RPS6KA5: variants seen among roughly 807,000 people sequenced by gnomAD.
RPS6KA5 encodes ribosomal protein S6 kinase alpha-5.
In RPS6KA5, 27 loss-of-function variants were observed where a neutral mutation model predicts 85.5. The observed-to-expected ratio is 0.32, with a 90% CI of 0.23 to 0.44. The LOEUF (loss-of-function observed/expected upper bound fraction) is 0.44, where lower values mean the gene tolerates loss of function less well. RPS6KA5 is among the 20% of genes least tolerant of loss of function. The pLI, the probability that RPS6KA5 is intolerant of heterozygous loss-of-function variation, is 1.00. For synonymous variants in RPS6KA5, 334 were observed against 348.2 expected (o/e 0.96, Z 0.46); for missense variants, 811 against 980.9 (o/e 0.83, Z 2.31).
At position 90,865,837 on chromosome 14, in the gene RPS6KA5, T is replaced by A. The variant is rs1030231486; in HGVS notation, c.*6237A>T. 6.6e-6 allele frequency: 1 copy of A among 152,322 alleles called. No individual in the cohort carries two copies. Among genetic ancestry groups the A allele is most frequent in the African/African-American group, 2.4e-5 (1 of 41,572 alleles). The allele number at this position is 152,322 out of a possible 1,614,324, so 9.4% of individuals were successfully genotyped here. A position where few individuals can be genotyped will look rare whatever the true frequency, so the allele number is the denominator to read the frequency against. ...GTAGACAAAGCCTTTTAAAGAGATT[T>A]GTCCATACGGGCACTGAAATAACAT... On this transcript the variant is annotated 3_prime_UTR_variant, in exon 17 of 17. Coordinates refer to ENST00000614987, the MANE Select transcript of RPS6KA5 (RefSeq NM_004755.4).
chr14:90,942,154 G>A (rs1030664477), intron 5 of RPS6KA5, among the ~76,000 whole-genome samples: 5 of 151,976 alleles, frequency 3.3e-5, no homozygotes, highest in East Asian at 1.9e-4. Context: ...ATATAGATGC[G>A]ATTAAAAAAT....
At chr14:90,876,889 C>T (rs1471040653) in intron 14 of RPS6KA5, among the ~76,000 whole-genome samples, 3 of 152,120 alleles carry the variant, frequency 2.0e-5, no homozygotes, top group Admixed American at 6.5e-5. Context: ...TTTCTGGTCA[C>T]GTTTCTGACA....
chr14:91,038,218 G>T (rs545838864), intron 1 of RPS6KA5, among the ~76,000 whole-genome samples: 1 of 152,180 alleles, frequency 6.6e-6, no homozygotes, highest in African/African-American at 2.4e-5. Flanking sequence ...TTTCATCAGG[G>T]TCCTACTCTT....
At chr14:91,030,314 C>T (rs1427936194) in intron 1 of RPS6KA5, among the ~76,000 whole-genome samples, 2 of 152,102 alleles carry the variant, frequency 1.3e-5, no homozygotes, top group South Asian at 2.1e-4. Flanking sequence ...GAGGTAAGAA[C>T]GGAAAATGCA....
intron 1 of RPS6KA5, among the ~76,000 whole-genome samples, chr14:91,015,065 C>T (rs1168969757): frequency 6.6e-6 from 1 of 152,060 alleles, no homozygotes; most frequent in Non-Finnish European, 1.5e-5. Flanking sequence ...TATGTCTGAA[C>T]TTAATATACA....
chr14:90,979,772 G>T (rs891659327), intron 2 of RPS6KA5, among the ~76,000 whole-genome samples: 11 of 152,274 alleles, frequency 7.2e-5, no homozygotes, highest in African/African-American at 2.7e-4. Context: ...AACAGCCAGT[G>T]AAGCTGGTGC....
At chr14:90,932,881 T>C (rs1322788314) in intron 5 of RPS6KA5, among the ~76,000 whole-genome samples, 1 of 152,196 alleles carries the variant, frequency 6.6e-6, no homozygotes, top group African/African-American at 2.4e-5. Flanking sequence ...CCCACTTCCT[T>C]TTGAGGACTA....
At chr14:91,055,297 A>C (rs542431421) in intron 1 of RPS6KA5, among the ~76,000 whole-genome samples, 20 of 152,364 alleles carry the variant, frequency 1.3e-4, no homozygotes, top group Non-Finnish European at 2.8e-4. Flanking sequence ...CCCAAGAGAA[A>C]TAAACATAGG....
intron 7 of RPS6KA5, among the ~76,000 whole-genome samples, 198 bp downstream of exon 7, chr14:90,920,008 T>A (rs1378329063): frequency 6.6e-6 from 1 of 152,174 alleles, no homozygotes; most frequent in African/African-American, 2.4e-5. Context: ...CAGATTCAAC[T>A]GGGCACATAA....
intron 5 of RPS6KA5, among the ~76,000 whole-genome samples, chr14:90,940,151 C>G (rs1047146238): frequency 6.6e-6 from 1 of 152,110 alleles, no homozygotes; most frequent in African/African-American, 2.4e-5. Context: ...CTAGGGCTAA[C>G]AGGAAGAATG....
chr14:90,889,048 C>T (rs1160723665), intron 14 of RPS6KA5, among the ~76,000 whole-genome samples: 2 of 152,194 alleles, frequency 1.3e-5, no homozygotes, highest in African/African-American at 2.4e-5. Context: ...AATCCCAGCA[C>T]TTTGGGAGGC....
intron 1 of RPS6KA5, among the ~76,000 whole-genome samples, chr14:91,004,540 A>C (rs921969148): frequency 6.6e-6 from 1 of 152,190 alleles, no homozygotes. Context: ...AGCACCAAAA[A>C]TCTATAGTTA....
At chr14:90,949,636 C>T (rs1861447044) in intron 3 of RPS6KA5, among the ~76,000 whole-genome samples, 1 of 152,146 alleles carries the variant, frequency 6.6e-6, no homozygotes, top group Non-Finnish European at 1.5e-5. Context: ...GTTTCAAATG[C>T]AACATGGCAT....
In RPS6KA5 at chr14:90,848,878, T is replaced by C. The variant is rs1373640660; in HGVS notation, c.*23196A>G. 6.6e-6 allele frequency: 1 copy of C among 152,178 alleles called. No homozygotes were observed. Among genetic ancestry groups the C allele is most frequent in the Non-Finnish European group, 1.5e-5 (1 of 68,042 alleles). The allele number at this position is 152,178 out of a possible 1,614,324, so 9.4% of individuals were successfully genotyped here. ...ATCCCTTATACTTTGTAACATTTTC[T>C]GCTTCCTTCTTAAAAACCTAGGGGG... On this transcript the variant is annotated 3_prime_UTR_variant, in exon 17 of 17. Coordinates refer to ENST00000614987, the MANE Select transcript of RPS6KA5 (RefSeq NM_004755.4).
At chr14:90,894,329 C>T (rs552758929) in intron 13 of RPS6KA5, 84 bp downstream of exon 13, 1 of 1,396,428 alleles carries the variant, frequency 7.2e-7, no homozygotes, top group East Asian at 2.5e-5. Flanking sequence ...ATAAGGAAAC[C>T]TCCCCAGAAA....
At chr14:90,979,313 A>G (rs868323830) in intron 2 of RPS6KA5, among the ~76,000 whole-genome samples, 4 of 152,354 alleles carry the variant, frequency 2.6e-5, no homozygotes, top group Middle Eastern at 3.4e-3. Context: ...AGAGGGAGGA[A>G]GAAGGGAAGA....
At chr14:90,928,469 A>T (rs2036799793) in intron 5 of RPS6KA5, among the ~76,000 whole-genome samples, 1 of 151,906 alleles carries the variant, frequency 6.6e-6, no homozygotes, top group African/African-American at 2.4e-5. Context: ...CTTTCTTATA[A>T]AAGACTAATA....
At chr14:91,017,498 C>G (rs1246972808) in intron 1 of RPS6KA5, among the ~76,000 whole-genome samples, 1 of 152,218 alleles carries the variant, frequency 6.6e-6, no homozygotes, top group African/African-American at 2.4e-5. Context: ...TCTCCACCAT[C>G]CTGAAGCAGG....
Position 90,894,398 on chromosome 14 carries a change from C to G in RPS6KA5, c.1644+15G>C, listed in dbSNP as rs1239244033. On this transcript the variant is annotated intron_variant, in intron 13 of 16. Coordinates refer to ENST00000614987, the MANE Select transcript of RPS6KA5 (RefSeq NM_004755.4). Reference sequence around the variant, plus strand: ...TGCTAGACTGAATTACGTAAGAGATCCAGTGATTTTATACCTCAGGTTTCA... The same window carrying G: ...TGCTAGACTGAATTACGTAAGAGATGCAGTGATTTTATACCTCAGGTTTCA... 11 of 1,610,686 alleles carry G rather than the reference C, an allele frequency of 6.8e-6. No homozygotes were observed. Among genetic ancestry groups the G allele is most frequent in the Non-Finnish European group, 9.3e-6 (11 of 1,177,672 alleles).
Sources: gnomAD v4.1 joint callset for allele counts (sites outside exome capture counted in the v4.1 genomes callset) on GRCh38, gnomAD v4.1.1 for gene constraint, MANE v1.5 for transcripts, NCBI Gene and HGNC (gene_info 2026-07-23, HGNC 2026-07-21) for gene names.